Variants in LEF1 observed in about 807,000 individuals in gnomAD.
The protein encoded by LEF1 is lymphoid enhancer-binding factor 1.
In LEF1, 14 loss-of-function variants were observed where a neutral mutation model predicts 51.2. The ratio of observed to expected loss-of-function variants is 0.27; its 90% CI spans 0.18 to 0.43. LEF1 has a LOEUF of 0.43. LEF1 is among the 20% of genes least tolerant of loss of function. LEF1 has a pLI of 1.00. For synonymous variants in LEF1, 185 were observed against 183.2 expected (o/e 1.01, Z -0.08); for missense variants, 386 against 512.0 (o/e 0.75, Z 2.37).
chr4:108,114,547 G>A (rs776630198), intron 3 of LEF1, among the ~76,000 whole-genome samples: 1 of 152,132 alleles, frequency 6.6e-6, no homozygotes, highest in Non-Finnish European at 1.5e-5. Flanking sequence ...AGCAGTTTGG[G>A]GAAACAGCCC....
chr4:108,107,342 G>A (rs1438844174), intron 3 of LEF1, among the ~76,000 whole-genome samples: 1 of 150,908 alleles, frequency 6.6e-6, no homozygotes, highest in Admixed American at 6.6e-5. Context: ...ATGAAATTTC[G>A]TAGAAAGTCT....
rs1282383271 is a variant in LEF1 at position 108,168,689 on chromosome 4, C to G, written c.-922G>C. 1.3e-5 allele frequency: 2 copies of G among 152,264 alleles called. No homozygotes were observed. Among genetic ancestry groups the G allele is most frequent in the Non-Finnish European group, 2.9e-5 (2 of 68,104 alleles). 9.4% of individuals were successfully genotyped at this position (152,264 alleles called of 1,614,324 possible). A position where few individuals can be genotyped will look rare whatever the true frequency, so the allele number is the denominator to read the frequency against. Reference sequence around the variant, plus strand: ...CACTCAGTCCGACCCCTCTTTGTTCCCGGCTCGAGTTTCTCAGCCTGGCTC... The same window carrying G: ...CACTCAGTCCGACCCCTCTTTGTTCGCGGCTCGAGTTTCTCAGCCTGGCTC... On this transcript the variant is annotated 5_prime_UTR_variant, in exon 1 of 12. Transcript: ENST00000265165. This position sits in a 1 kb window ranked among gnomAD's most constrained non-coding sequence, Gnocchi z 4.6.
At chr4:108,094,032 A>G (rs1253769786) in intron 3 of LEF1, among the ~76,000 whole-genome samples, 2 of 152,212 alleles carry the variant, frequency 1.3e-5, no homozygotes, top group Non-Finnish European at 2.9e-5. Context: ...TATGTGCTCT[A>G]GCAAGCAGCC....
chr4:108,164,720 A>G (rs897564006), intron 2 of LEF1, among the ~76,000 whole-genome samples: 1 of 152,226 alleles, frequency 6.6e-6, no homozygotes, highest in Non-Finnish European at 1.5e-5. Flanking sequence ...ACTCAAAACT[A>G]TTCTGGTTGG....
chr4:108,064,447 A>G, intron 9 of LEF1, 63 bp from the exon 10 acceptor site: 2 of 1,258,942 alleles, frequency 1.6e-6, no homozygotes, highest in South Asian at 2.5e-5. Context: ...GATGAATGTG[A>G]TGTGGAAGTA....
chr4:108,154,025 T>C (rs1409800037), intron 3 of LEF1, among the ~76,000 whole-genome samples: 1 of 152,216 alleles, frequency 6.6e-6, no homozygotes, highest in African/African-American at 2.4e-5. Flanking sequence ...AACAATGTGA[T>C]CCTGGGAATT....
intron 11 of LEF1, among the ~76,000 whole-genome samples, chr4:108,059,629 C>G (rs967410840): frequency 6.6e-6 from 1 of 152,140 alleles, no homozygotes; most frequent in Non-Finnish European, 1.5e-5. Flanking sequence ...CTAGCTTTAC[C>G]TTTACTCGTC....
intron 3 of LEF1, among the ~76,000 whole-genome samples, chr4:108,114,898 G>A (rs1741740901): frequency 6.6e-6 from 1 of 152,232 alleles, no homozygotes; most frequent in African/African-American, 2.4e-5. Context: ...TGCCCAGGAT[G>A]GAATTATCCC....
intron 3 of LEF1, among the ~76,000 whole-genome samples, chr4:108,152,185 A>C (rs1284823556): frequency 6.6e-6 from 1 of 152,172 alleles, no homozygotes; most frequent in Non-Finnish European, 1.5e-5. Context: ...CTTACCCCAG[A>C]CCTTTAAGGA....
intron 11 of LEF1, 131 bp downstream of exon 11, chr4:108,063,491 AT>A (rs1737838924): frequency 2.8e-6 from 2 of 719,922 alleles, no homozygotes; most frequent in Non-Finnish European, 4.9e-6. Context: ...TAAAGCACTA[AT>A]TTGATTTTGC....
chr4:108,077,108 G>A (rs1738914950), intron 8 of LEF1, among the ~76,000 whole-genome samples: 1 of 151,928 alleles, frequency 6.6e-6, no homozygotes, highest in Non-Finnish European at 1.5e-5. Context: ...GGAGGCCAAG[G>A]TGGGAGGTTT....
chr4:108,063,992 C>A (rs988255730), intron 10 of LEF1, among the ~76,000 whole-genome samples: 1 of 152,074 alleles, frequency 6.6e-6, no homozygotes, highest in Admixed American at 6.5e-5. Context: ...AATATTGTAT[C>A]TTTAAGGAGT....
intron 1 of LEF1, among the ~76,000 whole-genome samples, chr4:108,165,777 G>A (rs1745347766): frequency 6.6e-6 from 1 of 152,150 alleles, no homozygotes; most frequent in Non-Finnish European, 1.5e-5. Flanking sequence ...AGAGAGTCAG[G>A]TTATAGACAT....
intron 3 of LEF1, among the ~76,000 whole-genome samples, chr4:108,104,172 T>C (rs1740996105): frequency 6.6e-6 from 1 of 152,084 alleles, no homozygotes. Flanking sequence ...ATATGATATG[T>C]ATATGTATAT....
chr4:108,081,648 G>A lies in LEF1; in HGVS notation c.660C>T (p.Pro220=), dbSNP rs778182675. 1 of 1,614,038 alleles carries A rather than the reference G, an allele frequency of 6.2e-7. No individual in the cohort carries two copies. The highest frequency in any genetic ancestry group is 8.5e-7 in the Non-Finnish European group (1 of 1,179,948). ...AGGGTTGCCTGAATCCACCCGTGAT[G>A]GGATATACAGGCTGACCTTGCCTGA... ...PLGWQGQPVY[P]ITGGFRQPYP... Residue 220 remains proline (P), a synonymous_variant, in exon 6 of 12, where the codon CCC becomes CCT. Coordinates refer to ENST00000265165, the MANE Select transcript of LEF1 (RefSeq NM_016269.5).
At chr4:108,062,053 G>A (rs545149850) in intron 11 of LEF1, among the ~76,000 whole-genome samples, 3 of 152,284 alleles carry the variant, frequency 2.0e-5, no homozygotes, top group Non-Finnish European at 2.9e-5. Context: ...TGTGCTGGCC[G>A]CTGGGCAGAT....
Position 108,078,391 on chromosome 4 carries a change from T to C in LEF1, c.846-9A>G. 1 of 1,608,062 alleles carries C rather than the reference T, an allele frequency of 6.2e-7. No homozygotes were observed. Among genetic ancestry groups the C allele is most frequent in the Non-Finnish European group, 8.5e-7 (1 of 1,175,954 alleles). On this transcript the variant is annotated splice_polypyrimidine_tract_variant and intron_variant, in intron 7 of 11. Transcript: ENST00000265165. ...GTTCATGCTGAGGCTTCCTAAAAGGTGGTGGTGGTGGTGGTTAGGGGAAGG... is the reference window on the plus strand; with the variant it reads ...GTTCATGCTGAGGCTTCCTAAAAGGCGGTGGTGGTGGTGGTTAGGGGAAGG...
At chr4:108,077,719 T>C (rs1434392163) in intron 8 of LEF1, among the ~76,000 whole-genome samples, 1 of 150,364 alleles carries the variant, frequency 6.7e-6, no homozygotes, top group East Asian at 1.9e-4. Context: ...GGGGCGCCTC[T>C]GCCCGGCTGC....
At chr4:108,048,857 T>A in intron 11 of LEF1, 106 bp from the exon 12 acceptor site, 1 of 693,972 alleles carries the variant, frequency 1.4e-6, no homozygotes, top group Non-Finnish European at 2.1e-6. Flanking sequence ...TGCATTTAAT[T>A]AATCCATTTT....
Sources: allele counts gnomAD v4.1 joint callset (sites outside exome capture counted in the v4.1 genomes callset), GRCh38; gene constraint gnomAD v4.1.1; non-coding constraint Gnocchi (gnomAD v3.1); transcripts MANE v1.5; gene names NCBI Gene and HGNC (gene_info 2026-07-23, HGNC 2026-07-21).